Variants in SLC24A2 observed in about 807,000 individuals in gnomAD.
The protein encoded by SLC24A2 is solute carrier family 24 member 2.
A neutral mutation model predicts 62.0 loss-of-function variants in SLC24A2; 36 were observed. The ratio of observed to expected loss-of-function variants is 0.58; its 90% CI spans 0.44 to 0.77. SLC24A2 has a LOEUF of 0.77. SLC24A2 is among the 30% of genes least tolerant of loss of function. The pLI is 0.00. For missense variants in SLC24A2, 846 were observed against 817.9 expected, an observed-to-expected ratio of 1.03 and a Z score of -0.42; for synonymous variants, 358 against 294.0, an observed-to-expected ratio of 1.22 and a Z score of -2.23.
intron 2 of SLC24A2, among the ~76,000 whole-genome samples, chr9:19,628,283 T>A (rs918484299): frequency 9.9e-5 from 15 of 152,196 alleles, no homozygotes; most frequent in African/African-American, 3.1e-4. Flanking sequence ...ACAGTAATGG[T>A]GATTATTTAA....
chr9:19,738,893 C>A (rs1180489824), intron 2 of SLC24A2, among the ~76,000 whole-genome samples: 2 of 151,994 alleles, frequency 1.3e-5, no homozygotes, highest in Non-Finnish European at 2.9e-5. Context: ...CTGAGGCGGG[C>A]AGATCAAGAG....
intron 7 of SLC24A2, among the ~76,000 whole-genome samples, chr9:19,567,805 A>T (rs1210528371): frequency 6.6e-6 from 1 of 152,130 alleles, no homozygotes; most frequent in Non-Finnish European, 1.5e-5. Flanking sequence ...AAAGCTAGTG[A>T]TCGCTCAGCC....
chr9:19,955,399 TTTTTTA>T, the SLC24A2 span, among the ~76,000 whole-genome samples: 2 of 150,602 alleles, frequency 1.3e-5, no homozygotes, highest in African/African-American at 4.9e-5. Context: ...TTTGTTTTCC[TTTTTTA>T]TTGAGATGTT....
intron 9 of SLC24A2, 127 bp downstream of exon 9, chr9:19,527,922 T>G (rs1174478359): frequency 1.4e-6 from 1 of 712,444 alleles, no homozygotes; most frequent in Non-Finnish European, 2.6e-6. Flanking sequence ...AGTCCTGGAA[T>G]GCTAACTCGT....
At chr9:20,077,419 CAA>C in the SLC24A2 span, among the ~76,000 whole-genome samples, 2 of 152,038 alleles carry the variant, frequency 1.3e-5, no homozygotes, top group African/African-American at 4.8e-5. Context: ...ATACATAATA[CAA>C]TTTATTTCTT....
rs375822647 is a variant in SLC24A2, at chr9:19,596,620, G to C, written c.1129+609C>G. Among the ~76,000 whole-genome samples the C allele has an allele frequency of 1.6e-4, 24 of 152,254 alleles. No homozygotes were observed. In the East Asian group the frequency reaches 2.9e-3, roughly 18 times the overall value. The stretch of plus-strand genomic sequence containing the variant: ...TCTACTCAGAGAAAATGGTTAAAAT[G>C]ATATGCCTATCCTCATGGAGTGGGA... On this transcript the variant is annotated intron_variant, in intron 5 of 10. Coordinates refer to ENST00000341998, the MANE Select transcript of SLC24A2 (RefSeq NM_020344.4).
At chr9:19,913,328 T>C in the SLC24A2 span, among the ~76,000 whole-genome samples, 1 of 152,136 alleles carries the variant, frequency 6.6e-6, no homozygotes, top group Admixed American at 6.6e-5. Flanking sequence ...CCACATCCCA[T>C]AAAGAGTAGT....
At chr9:20,028,767 G>C in the SLC24A2 span, among the ~76,000 whole-genome samples, 1 of 152,184 alleles carries the variant, frequency 6.6e-6, no homozygotes, top group Non-Finnish European at 1.5e-5. Flanking sequence ...CTCCTCCTTT[G>C]ATTCCGGGCT....
the SLC24A2 span, among the ~76,000 whole-genome samples, chr9:19,897,130 T>C: frequency 1.3e-5 from 2 of 152,218 alleles, no homozygotes; most frequent in African/African-American, 4.8e-5. Flanking sequence ...ATTGGGACTA[T>C]AGACTGGGAA....
chr9:19,872,957 A>G, the SLC24A2 span, among the ~76,000 whole-genome samples: 1 of 152,202 alleles, frequency 6.6e-6, no homozygotes, highest in African/African-American at 2.4e-5. Context: ...CAAGATTGTT[A>G]AGAGATCTGA....
At chr9:20,161,722 T>C in the SLC24A2 span, among the ~76,000 whole-genome samples, 1 of 150,612 alleles carries the variant, frequency 6.6e-6, no homozygotes, top group East Asian at 2.0e-4. Flanking sequence ...AGTTTGGATA[T>C]TTAATTTGAT....
chr9:20,205,754 C>T, the SLC24A2 span, among the ~76,000 whole-genome samples: 2,140 of 150,584 alleles, frequency 0.014, 27 homozygotes, highest in Non-Finnish European at 0.021. Flanking sequence ...CGAAGTGAGA[C>T]TGACATGTTA....
chr9:20,207,319 T>G, the SLC24A2 span, among the ~76,000 whole-genome samples: 1 of 152,330 alleles, frequency 6.6e-6, no homozygotes, highest in East Asian at 1.9e-4. Flanking sequence ...GGCTTACCCC[T>G]GTAGCCTCAC....
the SLC24A2 span, among the ~76,000 whole-genome samples, chr9:19,817,144 C>T: frequency 3.9e-5 from 6 of 151,962 alleles, no homozygotes; most frequent in African/African-American, 9.7e-5. Flanking sequence ...TGTGAGTTCT[C>T]GGTTTCATAT....
At chr9:20,113,036 G>C in the SLC24A2 span, among the ~76,000 whole-genome samples, 1 of 152,104 alleles carries the variant, frequency 6.6e-6, no homozygotes, top group African/African-American at 2.4e-5. Flanking sequence ...TGGCTAATGT[G>C]ACATGCCTGG....
the SLC24A2 span, chr9:19,896,104 T>C: frequency 1.6e-6 from 1 of 611,026 alleles, no homozygotes; most frequent in Non-Finnish European, 2.9e-6. Flanking sequence ...GGACTCTACT[T>C]CCGCCCTCCT....
At chr9:20,283,321 G>T in the SLC24A2 span, among the ~76,000 whole-genome samples, 1 of 152,224 alleles carries the variant, frequency 6.6e-6, no homozygotes, top group Non-Finnish European at 1.5e-5. Context: ...GTCGATTCCT[G>T]ATTCCCAGTT....
intron 2 of SLC24A2, among the ~76,000 whole-genome samples, chr9:19,694,499 C>G (rs1820129712): frequency 6.6e-6 from 1 of 152,032 alleles, no homozygotes; most frequent in Non-Finnish European, 1.5e-5. Context: ...GAAAAGGCTA[C>G]AGGGAAACTA....
At chr9:19,600,265 G>A (rs922867074) in intron 4 of SLC24A2, among the ~76,000 whole-genome samples, 7 of 152,206 alleles carry the variant, frequency 4.6e-5, no homozygotes, top group Non-Finnish European at 7.3e-5. Context: ...TCATGCCACC[G>A]TGGTGGAGCC....
Sources: gnomAD v4.1 joint callset for allele counts (sites outside exome capture counted in the v4.1 genomes callset) on GRCh38, gnomAD v4.1.1 for gene constraint, MANE v1.5 for transcripts, NCBI Gene and HGNC (gene_info 2026-07-23, HGNC 2026-07-21) for gene names.